The following FBXO8 variants were observed in gnomAD, a reference collection of about 807,000 sequenced individuals.
FBXO8 encodes F-box protein 8.
Under a neutral mutation model 33.4 loss-of-function variants are expected in FBXO8, and 15 were observed. The observed-to-expected ratio is 0.45, with a 90% CI of 0.30 to 0.69. FBXO8 has a LOEUF of 0.69. FBXO8 is among the 30% of genes least tolerant of loss of function. The probability of loss-of-function intolerance (pLI) is 0.08; values close to 1 mark genes in which losing one functional copy is unlikely to be tolerated. For synonymous variants in FBXO8, 132 were observed against 131.5 expected (o/e 1.00, Z -0.02); for missense variants, 274 against 380.3 (o/e 0.72, Z 2.32).
In FBXO8 at chr4:174,262,868, A is replaced by T. The variant is rs757032130; in HGVS notation, c.225T>A (p.Pro75=). 1.1e-5 allele frequency: 17 copies of T among 1,613,916 alleles called. No individual in the cohort carries two copies. Residue 75 remains proline, a synonymous_variant, in exon 2 of 6, where the codon CCT becomes CCA. Coordinates refer to ENST00000393674, the MANE Select transcript of FBXO8 (RefSeq NM_012180.3). This position sits in a 1 kb window ranked among gnomAD's most constrained non-coding sequence, Gnocchi z 4.6. ...QEGFINLEML[P]PELSFTILSY... ...ACAAGATGGTAAAGCTTAGCTCAGG[A>T]GGCAACATTTCCAAATTAATGAATC...
At chr4:174,243,172 T>C (rs1191755450) in intron 3 of FBXO8, among the ~76,000 whole-genome samples, 3 of 151,576 alleles carry the variant, frequency 2.0e-5, no homozygotes, top group Non-Finnish European at 4.4e-5. Context: ...TATTCTGTTT[T>C]ATAAAAAACA....
At chr4:174,264,353 T>A (rs1451269820) in intron 1 of FBXO8, among the ~76,000 whole-genome samples, 1 of 152,146 alleles carries the variant, frequency 6.6e-6, no homozygotes, top group Non-Finnish European at 1.5e-5. Context: ...AAGATTGTTG[T>A]TGATTAAAAC....
chr4:174,240,960 A>G, intron 4 of FBXO8, 140 bp downstream of exon 4: 2 of 494,404 alleles, frequency 4.0e-6, no homozygotes, highest in African/African-American at 2.0e-5. Flanking sequence ...ATGATGTGTG[A>G]GATATAGGAA....
At position 174,261,803 on chromosome 4, in the gene FBXO8, G is replaced by T. The variant is rs372494543; in HGVS notation, c.329+961C>A. On this transcript the variant is annotated intron_variant, in intron 2 of 5. Transcript: ENST00000393674. This position sits in a 1 kb window ranked among gnomAD's most constrained non-coding sequence, Gnocchi z 4.1. Reference sequence around the variant, plus strand: ...TGAAAATATATTTTGACTAAAGTTTGTAATTTATTAAGTCTCTCAATTAGA... The same window carrying T: ...TGAAAATATATTTTGACTAAAGTTTTTAATTTATTAAGTCTCTCAATTAGA... Among the ~76,000 whole-genome samples the T allele has an allele frequency of 6.6e-6, 1 of 151,952 alleles. No individual in the cohort carries two copies. The highest frequency in any genetic ancestry group is 1.5e-5 in the Non-Finnish European group (1 of 67,896).
intron 3 of FBXO8, among the ~76,000 whole-genome samples, chr4:174,246,976 A>G (rs1484437429): frequency 2.0e-5 from 3 of 152,040 alleles, no homozygotes; most frequent in African/African-American, 7.2e-5. Flanking sequence ...ACTAGGAATA[A>G]ACTAAAGGAG....
Position 174,253,336 on chromosome 4 carries a change from A to G in FBXO8, c.456+6363T>C, listed in dbSNP as rs1348238073. 6.6e-6 allele frequency among the ~76,000 whole-genome samples: 1 copy of G among 152,178 alleles called. No individual in the cohort carries two copies. The highest frequency in any genetic ancestry group is 1.5e-5 in the Non-Finnish European group (1 of 68,040). On this transcript the variant is annotated intron_variant, in intron 3 of 5. Transcript: ENST00000393674. This position sits in a 1 kb window ranked among gnomAD's most constrained non-coding sequence, Gnocchi z 4.5. ...TGTGTAGTAGTATTTCCCTCTGGTT[A>G]TCAGGCTTAACCACTTCAATCACAG...
At position 174,263,807 on chromosome 4, in the gene FBXO8, G is replaced by A. The variant is rs1045554680; in HGVS notation, c.-8-707C>T. 2.0e-5 allele frequency among the ~76,000 whole-genome samples: 3 copies of A among 152,090 alleles called. No homozygotes were observed. The highest frequency in any genetic ancestry group is 4.1e-4 in the South Asian group (2 of 4,830). ...TCCACAAATCCCTATGGATTCTTCA[G>A]AAGTACCTGGGAAAAGACACCAGAA... is the stretch of plus-strand genomic sequence containing the variant. On this transcript the variant is annotated intron_variant, in intron 1 of 5. Transcript: ENST00000393674. This position sits in a 1 kb window ranked among gnomAD's most constrained non-coding sequence, Gnocchi z 4.2.
chr4:174,246,451 C>T (rs1253337022), intron 3 of FBXO8, among the ~76,000 whole-genome samples: 1 of 151,864 alleles, frequency 6.6e-6, no homozygotes, highest in African/African-American at 2.4e-5. Context: ...TCTCTTTCCA[C>T]ACTGTAGCAG....
chr4:174,264,178 G>C (rs1222370103), intron 1 of FBXO8, among the ~76,000 whole-genome samples: 1 of 152,050 alleles, frequency 6.6e-6, no homozygotes, highest in Non-Finnish European at 1.5e-5. Context: ...TTTATAGCAT[G>C]ACCCGAACTT....
intron 4 of FBXO8, among the ~76,000 whole-genome samples, chr4:174,240,893 TTTAC>T (rs1415363557): frequency 6.6e-6 from 1 of 151,648 alleles, no homozygotes; most frequent in Non-Finnish European, 1.5e-5. Context: ...CATGTGGACT[TTTAC>T]TTACTTTTAA....
rs567274849 is a variant in FBXO8, at chr4:174,270,423, A to C, written c.-8-7323T>G. Among the ~76,000 whole-genome samples the C allele has an allele frequency of 6.6e-6, 1 of 152,258 alleles. No homozygotes were observed. Among genetic ancestry groups the C allele is most frequent in the East Asian group, 1.9e-4 (1 of 5,180 alleles). On this transcript the variant is annotated intron_variant, in intron 1 of 5. Coordinates refer to ENST00000393674, the MANE Select transcript of FBXO8 (RefSeq NM_012180.3). This position sits in a 1 kb window ranked among gnomAD's most constrained non-coding sequence, Gnocchi z 4.6. ...CCTACTTAGCTAAAGGTCCTTTTATAGAGCAAACAGCCACTATCACCCCTA... is the reference window on the plus strand; with the variant it reads ...CCTACTTAGCTAAAGGTCCTTTTATCGAGCAAACAGCCACTATCACCCCTA...
chr4:174,241,247 TA>T lies in FBXO8; in HGVS notation c.457-30del, dbSNP rs750041843. On this transcript the variant is annotated intron_variant, in intron 3 of 5. Coordinates refer to ENST00000393674, the MANE Select transcript of FBXO8 (RefSeq NM_012180.3). The surrounding 1 kb of genome is among the most constrained non-coding windows in gnomAD (Gnocchi z 4.2). Reference sequence around the variant, plus strand: ...AGGCAGAAAGACAAGTCTACATAAATAAAATTGCTCTTTATTTATGCATTTT... The same window carrying T: ...AGGCAGAAAGACAAGTCTACATAAATAAATTGCTCTTTATTTATGCATTTT... The T allele has an allele frequency of 7.5e-7, 1 of 1,341,148 alleles. No individual in the cohort carries two copies. The highest frequency in any genetic ancestry group is 1.5e-5 in the African/African-American group (1 of 67,908). The allele number at this position is 1,341,148 out of a possible 1,614,324, so 83.1% of individuals were successfully genotyped here.
At position 174,275,074 on chromosome 4, in the gene FBXO8, T is replaced by A. The variant is rs1052465295; in HGVS notation, c.-9+8336A>T. Among the ~76,000 whole-genome samples the A allele has an allele frequency of 2.6e-5, 4 of 152,078 alleles. No individual in the cohort carries two copies. The highest frequency in any genetic ancestry group is 9.7e-5 in the African/African-American group (4 of 41,412). On this transcript the variant is annotated intron_variant, in intron 1 of 5. Transcript: ENST00000393674. This position sits in a 1 kb window ranked among gnomAD's most constrained non-coding sequence, Gnocchi z 4.4. The stretch of plus-strand genomic sequence containing the variant: ...CTGACGGACGAGTATCTAGAATATA[T>A]AAACAACTCTCAAAACAATAGTAAA...
rs61566695 is a variant in FBXO8, at chr4:174,279,468, A to G, written c.-9+3942T>C. 1.4e-3 allele frequency among the ~76,000 whole-genome samples: 217 copies of G among 152,256 alleles called. 1 individual carries two copies. The highest frequency in any genetic ancestry group is 4.8e-3 in the African/African-American group (200 of 41,564). On this transcript the variant is annotated intron_variant, in intron 1 of 5. Transcript: ENST00000393674. ...TAGATTCAATGTAGCTCCTGCCAAAATTATAATGACGTTTTTTGCATTAAT... is the reference window on the plus strand; with the variant it reads ...TAGATTCAATGTAGCTCCTGCCAAAGTTATAATGACGTTTTTTGCATTAAT...
intron 5 of FBXO8, among the ~76,000 whole-genome samples, chr4:174,238,013 TAAAA>T (rs926311719): frequency 2.6e-5 from 4 of 151,478 alleles, no homozygotes; most frequent in African/African-American, 9.7e-5. Flanking sequence ...CTCCTCTTTC[TAAAA>T]AAAAATTTAT....
chr4:174,259,861 A>G lies in FBXO8; in HGVS notation c.330-36T>C. 1 of 1,539,516 alleles carries G rather than the reference A, an allele frequency of 6.5e-7. No homozygotes were observed. The highest frequency in any genetic ancestry group is 8.7e-7 in the Non-Finnish European group (1 of 1,149,992). ...AGAGAAAATGAGACAAGAAAACATT[A>G]CTACATTTAATTTCCTAAGTTAAAT... On this transcript the variant is annotated intron_variant, in intron 2 of 5. Transcript: ENST00000393674. This position sits in a 1 kb window ranked among gnomAD's most constrained non-coding sequence, Gnocchi z 4.3.
intron 3 of FBXO8, among the ~76,000 whole-genome samples, chr4:174,242,727 G>C (rs1185479763): frequency 2.0e-5 from 3 of 151,498 alleles, no homozygotes; most frequent in African/African-American, 7.3e-5. Flanking sequence ...GTCCGAGGGG[G>C]CAGCAACTAG....
In FBXO8 at chr4:174,256,192, A is replaced by C; in HGVS notation, c.456+3507T>G. Reference sequence around the variant, plus strand: ...TAATATTTTAATGATGTTTGCTATCAAAATGTTAAGTACAATACTGGAAAT... The same window carrying C: ...TAATATTTTAATGATGTTTGCTATCCAAATGTTAAGTACAATACTGGAAAT... On this transcript the variant is annotated intron_variant, in intron 3 of 5. Transcript: ENST00000393674. This position sits in a 1 kb window ranked among gnomAD's most constrained non-coding sequence, Gnocchi z 4.6. The C allele has an allele frequency of 2.2e-6, 1 of 453,144 alleles. No individual in the cohort carries two copies. Among genetic ancestry groups the C allele is most frequent in the Non-Finnish European group, 4.4e-6 (1 of 226,208 alleles). The allele number at this position is 453,144 out of a possible 1,614,324, so 28.1% of individuals were successfully genotyped here. A position where few individuals can be genotyped will look rare whatever the true frequency, so the allele number is the denominator to read the frequency against.
In FBXO8 at chr4:174,245,972, G is replaced by T. The variant is rs938719569; in HGVS notation, c.457-4754C>A. 6.6e-6 allele frequency among the ~76,000 whole-genome samples: 1 copy of T among 152,010 alleles called. No individual in the cohort carries two copies. The highest frequency in any genetic ancestry group is 2.4e-5 in the African/African-American group (1 of 41,508). Reference sequence around the variant, plus strand: ...CAGTGATGAGTTAGCTTTTAGACATGTTGAATTTTAGGTGATGACAGATAT... The same window carrying T: ...CAGTGATGAGTTAGCTTTTAGACATTTTGAATTTTAGGTGATGACAGATAT... On this transcript the variant is annotated intron_variant, in intron 3 of 5. Coordinates refer to ENST00000393674, the MANE Select transcript of FBXO8 (RefSeq NM_012180.3). This position sits in a 1 kb window ranked among gnomAD's most constrained non-coding sequence, Gnocchi z 4.6.
Sources: gnomAD v4.1 joint callset for allele counts (sites outside exome capture counted in the v4.1 genomes callset) on GRCh38, gnomAD v4.1.1 for gene constraint, Gnocchi (gnomAD v3.1) non-coding constraint, MANE v1.5 for transcripts, NCBI Gene and HGNC (gene_info 2026-07-23, HGNC 2026-07-21) for gene names.